The following INTS1 variants were observed in gnomAD, a reference collection of about 807,000 sequenced individuals.
INTS1 encodes integrator complex subunit 1.
INTS1 carries 137 observed loss-of-function variants against 241.6 expected under a neutral mutation model. The observed-to-expected ratio is 0.57, with a 90% CI of 0.49 to 0.65. The LOEUF (loss-of-function observed/expected upper bound fraction) is 0.65. INTS1 is among the 30% of genes least tolerant of loss of function. The probability of loss-of-function intolerance (pLI) is 0.00; values close to 1 mark genes in which losing one functional copy is unlikely to be tolerated. For missense variants in INTS1, 3,073 were observed against 3,032.2 expected (o/e 1.01, Z -0.32); for synonymous variants, 1,692 against 1,337.8 (o/e 1.26, Z -5.78).
At position 1,473,118 on chromosome 7, in the gene INTS1, G is replaced by T. The variant is rs746104673; in HGVS notation, c.6024C>A (p.Pro2008=). The part of the protein sequence containing the change: ...LKSLLAGLSL[P]SRDDRTDRGL... ...CTCGGTCGGTCCTGTCGTCCCTGCT[G>T]GGCAGGCTGAGCCCTGCAAGGAGGG... The change falls in exon 43 of 48, where the codon CCC becomes CCA. Residue 2008 remains proline, a synonymous_variant. Coordinates refer to ENST00000404767, the MANE Select transcript of INTS1 (RefSeq NM_001080453.3). The T allele has an allele frequency of 2.5e-6, 4 of 1,611,948 alleles. No homozygotes were observed. In the African/African-American group the frequency reaches 4.0e-5, roughly 16 times the overall value.
At position 1,477,904 on chromosome 7, in the gene INTS1, G is replaced by T. The variant is rs748373297; in HGVS notation, c.4663C>A (p.His1555Asn). 1.9e-6 allele frequency: 3 copies of T among 1,612,520 alleles called. No homozygotes were observed. Among genetic ancestry groups the T allele is most frequent in the Middle Eastern group, 1.7e-4 (1 of 6,058 alleles). ...LQGLIEVRSP[H>N]LEELLTAFFS... is the part of the protein sequence containing the mutation. ...AATGCAGTCAGCAGCTCCTCCAGGT[G>T]GGGGGACCTCACCTCGATCAGCCCC... Residue 1555 changes from histidine (H) to asparagine (N), a missense_variant, in exon 34 of 48, where the codon CAC becomes AAC. Coordinates refer to ENST00000404767, the MANE Select transcript of INTS1 (RefSeq NM_001080453.3).
chr7:1,476,991 C>G, intron 35 of INTS1, 73 bp from the exon 36 acceptor site: 1 of 1,525,434 alleles, frequency 6.6e-7, no homozygotes, highest in Non-Finnish European at 8.8e-7. Flanking sequence ...CAGCTGACAG[C>G]TTCCCCAATG....
rs11974848 is a variant in INTS1, at chr7:1,471,089, G to A, written c.6347+44C>T. ...GGTCAAGCGGTGACCTGGGTTAGCAGGGCCCAGCGGTGGCGGCGGGACAGA... is the reference window on the plus strand; with the variant it reads ...GGTCAAGCGGTGACCTGGGTTAGCAAGGCCCAGCGGTGGCGGCGGGACAGA... On this transcript the variant is annotated intron_variant, in intron 46 of 47. Coordinates refer to ENST00000404767, the MANE Select transcript of INTS1 (RefSeq NM_001080453.3). The A allele has an allele frequency of 5.1e-4, 778 of 1,535,586 alleles. 6 individuals carry two copies. The African/African-American group carries it at 9.5e-3, about 19-fold the overall frequency.
intron 36 of INTS1, 61 bp downstream of exon 36, chr7:1,476,733 G>C: frequency 1.2e-6 from 2 of 1,612,160 alleles, no homozygotes; most frequent in South Asian, 2.2e-5. Context: ...GCCGGCGCTG[G>C]GAGATTTCTG....
At position 1,499,237 on chromosome 7, in the gene INTS1, G is replaced by A. The variant is rs779510542; in HGVS notation, c.950+18C>T. The A allele has an allele frequency of 2.2e-5, 36 of 1,608,208 alleles. No homozygotes were observed. The highest frequency in any genetic ancestry group is 1.6e-4 in the Middle Eastern group (1 of 6,072). On this transcript the variant is annotated intron_variant, in intron 7 of 47. Transcript: ENST00000404767. ...GCCCCCGCCGCCCCCAACTGGGACCGGGCAGGCACGCAGCTACCTGGGCAT... is the reference window on the plus strand; with the variant it reads ...GCCCCCGCCGCCCCCAACTGGGACCAGGCAGGCACGCAGCTACCTGGGCAT...
chr7:1,485,580 G>C (rs142510124), intron 22 of INTS1, 111 bp from the exon 23 acceptor site: 2 of 1,158,020 alleles, frequency 1.7e-6, no homozygotes, highest in African/African-American at 1.5e-5. Context: ...AGAATGTGGC[G>C]CTTGCTTCCC....
chr7:1,476,375 C>T lies in INTS1; in HGVS notation c.5232G>A (p.Glu1744=). The T allele has an allele frequency of 6.3e-7, 1 of 1,576,810 alleles. No homozygotes were observed. The highest frequency in any genetic ancestry group is 8.6e-7 in the Non-Finnish European group (1 of 1,166,128). The part of the protein sequence containing the change: ...SLVELILAEA[E]TRSQDGDTAA... ...CTGTGTCCCCGTCCTGGCTCCGCGT[C>T]TCCGCCTCGGCCAGGATCAGCTCCA... The change falls in exon 38 of 48, where the codon GAG becomes GAA. Residue 1744 remains glutamate, a synonymous_variant. Coordinates refer to ENST00000404767, the MANE Select transcript of INTS1 (RefSeq NM_001080453.3).
Position 1,499,380 on chromosome 7 carries a change from C to G in INTS1, c.845-20G>C. 6.4e-7 allele frequency: 1 copy of G among 1,564,416 alleles called. No homozygotes were observed. Among genetic ancestry groups the G allele is most frequent in the Non-Finnish European group, 8.7e-7 (1 of 1,152,118 alleles). ...TGCTCCCTGCAAACCAAGGAGAGGG[C>G]TCCATGCAGCGCCTCCCACCCGCCC... On this transcript the variant is annotated intron_variant, in intron 6 of 47. Transcript: ENST00000404767.
chr7:1,483,698 C>A (rs753365986), intron 26 of INTS1, 44 bp downstream of exon 26: 1 of 1,496,500 alleles, frequency 6.7e-7, no homozygotes, highest in South Asian at 1.1e-5. Flanking sequence ...GGCTGTGGCC[C>A]ACCTGGCACG....
At chr7:1,471,437 GC>G in intron 45 of INTS1, 133 bp downstream of exon 45, 2 of 1,089,342 alleles carry the variant, frequency 1.8e-6, no homozygotes, top group Non-Finnish European at 2.7e-6. Flanking sequence ...CTGGGCTGGG[GC>G]CCCCACCCGA....
chr7:1,495,659 C>G, intron 12 of INTS1, 106 bp from the exon 13 acceptor site: 1 of 1,400,234 alleles, frequency 7.1e-7, no homozygotes, highest in South Asian at 1.3e-5. Flanking sequence ...GGGGGTAACT[C>G]AGGGCACCCC....
chr7:1,471,860 C>T (rs868744317), intron 44 of INTS1: 43 of 596,006 alleles, frequency 7.2e-5, no homozygotes, highest in African/African-American at 6.9e-4. Context: ...GGGTTGACCC[C>T]TCACGGCAGC....
At position 1,474,845 on chromosome 7, in the gene INTS1, G is replaced by T; in HGVS notation, c.5503-7C>A. 1 of 1,581,202 alleles carries T rather than the reference G, an allele frequency of 6.3e-7. No individual in the cohort carries two copies. The highest frequency in any genetic ancestry group is 2.3e-5 in the East Asian group (1 of 43,230). On this transcript the variant is annotated splice_polypyrimidine_tract_variant and splice_region_variant and intron_variant, in intron 39 of 47. Transcript: ENST00000404767. Reference sequence around the variant, plus strand: ...GGTGGATGAGTCCGTCCAGCTGCAGGGAGGGGCGCTCTGAGGCCGGGGCCG... The same window carrying T: ...GGTGGATGAGTCCGTCCAGCTGCAGTGAGGGGCGCTCTGAGGCCGGGGCCG...
rs375348604 is a variant in INTS1, at chr7:1,484,194, C to T, written c.3262-24G>A. 1.4e-4 allele frequency: 220 copies of T among 1,593,656 alleles called. 3 individuals are homozygous for T. The East Asian group carries it at 1.5e-3, about 11-fold the overall frequency. ...TCCTGGTGTGTGGACAGGGGGGCGT[C>T]AGAGGCTCCGAGACAGCTCTGCTCT... On this transcript the variant is annotated intron_variant, in intron 24 of 47. Coordinates refer to ENST00000404767, the MANE Select transcript of INTS1 (RefSeq NM_001080453.3).
chr7:1,499,975 G>A lies in INTS1; in HGVS notation c.593C>T (p.Ala198Val), dbSNP rs1179301286. ...LRRDASINFK[A>V]KGNSLVSVLA... ...CACAGACACCAGGCTGTTCCCCTTGGCCTTGAAGTTGATGGAGGCGTCCCG... is the reference window on the plus strand; with the variant it reads ...CACAGACACCAGGCTGTTCCCCTTGACCTTGAAGTTGATGGAGGCGTCCCG... The change falls in exon 5 of 48, where the codon GCC becomes GTC. Residue 198 changes from alanine (A) to valine (V), a missense_variant. Coordinates refer to ENST00000404767, the MANE Select transcript of INTS1 (RefSeq NM_001080453.3). The A allele has an allele frequency of 6.2e-7, 1 of 1,613,654 alleles. No homozygotes were observed. The highest frequency in any genetic ancestry group is 2.2e-5 in the East Asian group (1 of 44,876).
chr7:1,479,217 C>A (rs1781876818), intron 31 of INTS1, among the ~76,000 whole-genome samples: 1 of 152,226 alleles, frequency 6.6e-6, no homozygotes, highest in Non-Finnish European at 1.5e-5. Flanking sequence ...GTGGTGCAAA[C>A]AGGCGGACGC....
chr7:1,474,024 G>A (rs766960444), intron 41 of INTS1, 144 bp downstream of exon 41: 29 of 960,836 alleles, frequency 3.0e-5, no homozygotes, highest in Non-Finnish European at 4.3e-5. Context: ...TTCCCAGGGT[G>A]GGAGCTGGTC....
rs376627739 is a variant in INTS1, at chr7:1,478,730, A to G, written c.4485T>C (p.Ser1495=). The change falls in exon 32 of 48, where the codon AGT becomes AGC. Residue 1495 remains serine (S), a synonymous_variant. Coordinates refer to ENST00000404767, the MANE Select transcript of INTS1 (RefSeq NM_001080453.3). ...ASQASAGRRL[S]DVRGGLLRLA... is the part of the protein sequence containing the mutation. ...CCAGCCCGGCGCGGTCCTCACCATCACTGAGCCTGCGCCCGGCTGAGGCCT... is the reference window on the plus strand; with the variant it reads ...CCAGCCCGGCGCGGTCCTCACCATCGCTGAGCCTGCGCCCGGCTGAGGCCT... The G allele has an allele frequency of 7.0e-6, 11 of 1,575,770 alleles. No individual in the cohort carries two copies. Among genetic ancestry groups the G allele is most frequent in the African/African-American group, 2.7e-5 (2 of 73,992 alleles).
chr7:1,495,486 G>A lies in INTS1; in HGVS notation c.1779C>T (p.Leu593=). ...AAIQRDAVWW[L]HTVVPSISKL... is the part of the protein sequence containing the mutation. Reference sequence around the variant, plus strand: ...TGCTGATGGAGGGGACCACAGTGTGGAGCCACCAGACGGCATCCCGCTGGA... The same window carrying A: ...TGCTGATGGAGGGGACCACAGTGTGAAGCCACCAGACGGCATCCCGCTGGA... Residue 593 remains leucine, a synonymous_variant, in exon 13 of 48, where the codon CTC becomes CTT. Transcript: ENST00000404767. The A allele has an allele frequency of 2.5e-6, 4 of 1,612,690 alleles. No homozygotes were observed. The highest frequency in any genetic ancestry group is 3.4e-6 in the Non-Finnish European group (4 of 1,179,744).
Sources: allele counts gnomAD v4.1 joint callset (sites outside exome capture counted in the v4.1 genomes callset), GRCh38; gene constraint gnomAD v4.1.1; transcripts MANE v1.5; gene names NCBI Gene and HGNC (gene_info 2026-07-23, HGNC 2026-07-21).